Variants in LEPR observed in about 807,000 individuals in gnomAD.
The protein encoded by LEPR is OB receptor.
A neutral mutation model predicts 114.7 loss-of-function variants in LEPR; 56 were observed. The observed-to-expected ratio is 0.49, with a 90% confidence interval of 0.39 to 0.61. The LOEUF (loss-of-function observed/expected upper bound fraction) is 0.61. Ranked by LOEUF, LEPR falls within the 20% of genes least tolerant of loss-of-function variation. LEPR has a pLI of 0.00. For missense variants in LEPR, 1,202 were observed against 1,352.9 expected, an observed-to-expected ratio of 0.89 and a Z score of 1.75; for synonymous variants, 443 against 461.4, an observed-to-expected ratio of 0.96 and a Z score of 0.51.
At chr1:65,565,870 C>T (rs537517734) in intron 3 of LEPR, among the ~76,000 whole-genome samples, 20 of 152,118 alleles carry the variant, frequency 1.3e-4, no homozygotes, top group African/African-American at 4.6e-4. Flanking sequence ...CACAGACTCA[C>T]ACACACAGAC....
intron 2 of LEPR, among the ~76,000 whole-genome samples, chr1:65,545,630 C>A (rs995122476): frequency 1.3e-5 from 2 of 152,224 alleles, no homozygotes; most frequent in African/African-American, 2.4e-5. Context: ...TGTTCATATC[C>A]TTTGCCCACT....
chr1:65,494,957 G>A (rs1452987723), intron 2 of LEPR, among the ~76,000 whole-genome samples: 1 of 152,014 alleles, frequency 6.6e-6, no homozygotes, highest in East Asian at 1.9e-4. Context: ...ATGAAGCTAT[G>A]AGAAGAAAAC....
At chr1:65,512,523 G>C (rs1294450948) in intron 2 of LEPR, among the ~76,000 whole-genome samples, 1 of 152,132 alleles carries the variant, frequency 6.6e-6, no homozygotes, top group African/African-American at 2.4e-5. Context: ...CCAGATCCCA[G>C]AATGGTGCTG....
In LEPR at chr1:65,633,633, GT is replaced by G. The variant is rs1424221635; in HGVS notation, c.2674-2555del. ...AGTATGGAATCAGTGAAAATATTTAGTTTGTATTTTTATGTCCAAACTTTTC... is the reference window on the plus strand; with the variant it reads ...AGTATGGAATCAGTGAAAATATTTAGTTGTATTTTTATGTCCAAACTTTTC... On this transcript the variant is annotated intron_variant, in intron 19 of 19. Transcript: ENST00000349533. This position sits in a 1 kb window ranked among gnomAD's most constrained non-coding sequence, Gnocchi z 4.1. 32 of 983,956 alleles carry G rather than the reference GT, an allele frequency of 3.3e-5. No individual in the cohort carries two copies. In the South Asian group the frequency reaches 1.1e-3, roughly 33 times the overall value. The allele number at this position is 983,956 out of a possible 1,614,324, so 61.0% of individuals were successfully genotyped here. A position where few individuals can be genotyped will look rare whatever the true frequency, so the allele number is the denominator to read the frequency against.
intron 2 of LEPR, among the ~76,000 whole-genome samples, chr1:65,529,675 A>G (rs992637729): frequency 4.6e-5 from 7 of 152,194 alleles, no homozygotes; most frequent in African/African-American, 1.7e-4. Flanking sequence ...AACTACGTCA[A>G]GGTCTACTAC....
chr1:65,523,546 A>G (rs749920288), intron 2 of LEPR, among the ~76,000 whole-genome samples: 4 of 152,172 alleles, frequency 2.6e-5, no homozygotes, highest in Non-Finnish European at 5.9e-5. Context: ...CCTGGGCTCA[A>G]GTAGTCTGCC....
At chr1:65,584,199 G>T (rs907223298) in intron 5 of LEPR, among the ~76,000 whole-genome samples, 1 of 151,854 alleles carries the variant, frequency 6.6e-6, no homozygotes, top group African/African-American at 2.4e-5. Flanking sequence ...GATGTACCAG[G>T]TTGATCTTAT....
chr1:65,551,336 G>A (rs532807392), intron 2 of LEPR, among the ~76,000 whole-genome samples: 3 of 152,068 alleles, frequency 2.0e-5, no homozygotes, highest in African/African-American at 2.4e-5. Flanking sequence ...CTGTGAATCT[G>A]TCTGGTCCTG....
chr1:65,465,299 G>A (rs1303732822), intron 2 of LEPR, among the ~76,000 whole-genome samples: 4 of 152,152 alleles, frequency 2.6e-5, no homozygotes, highest in African/African-American at 9.7e-5. Context: ...AGTCATTCAG[G>A]AGCAAGTTGT....
intron 2 of LEPR, chr1:65,434,345 A>C: frequency 1.0e-6 from 1 of 985,230 alleles, no homozygotes; most frequent in Non-Finnish European, 1.2e-6. Context: ...TGTACAATAT[A>C]TTTGGAGATT....
chr1:65,626,294 T>G, intron 19 of LEPR: 2 of 1,306,658 alleles, frequency 1.5e-6, no homozygotes, highest in Non-Finnish European at 2.0e-6. Context: ...GCCACATTTT[T>G]TCAAGTTCTG....
chr1:65,489,184 A>C (rs1212774893), intron 2 of LEPR, among the ~76,000 whole-genome samples: 2 of 152,032 alleles, frequency 1.3e-5, no homozygotes, highest in Non-Finnish European at 2.9e-5. Context: ...TTTCCAAGGA[A>C]CTTTCATATT....
At chr1:65,519,618 C>T (rs1649525511) in intron 2 of LEPR, among the ~76,000 whole-genome samples, 1 of 152,052 alleles carries the variant, frequency 6.6e-6, no homozygotes, top group Non-Finnish European at 1.5e-5. Flanking sequence ...AGATAGCCTT[C>T]TAACTTTCTA....
intron 3 of LEPR, among the ~76,000 whole-genome samples, chr1:65,569,547 A>G (rs1174013243): frequency 3.3e-5 from 5 of 152,030 alleles, no homozygotes; most frequent in African/African-American, 1.2e-4. Context: ...TCTCTACTAA[A>G]AGTACAAAAA....
intron 2 of LEPR, chr1:65,526,547 A>G (rs1385008651): frequency 9.6e-6 from 4 of 417,626 alleles, no homozygotes; most frequent in Non-Finnish European, 1.3e-5. Context: ...AGTTCTTTAT[A>G]CTGAAGGGTG....
intron 2 of LEPR, among the ~76,000 whole-genome samples, chr1:65,454,785 A>G (rs1418302127): frequency 6.6e-6 from 1 of 152,082 alleles, no homozygotes; most frequent in Non-Finnish European, 1.5e-5. Flanking sequence ...CTCGAGGAGT[A>G]TCTTTGTGGC....
At chr1:65,468,400 T>C (rs1239396514) in intron 2 of LEPR, among the ~76,000 whole-genome samples, 1 of 152,242 alleles carries the variant, frequency 6.6e-6, no homozygotes, top group East Asian at 1.9e-4. Context: ...GGGTATGTGG[T>C]ATAGTTATAC....
At chr1:65,562,887 T>C (rs1653362983) in intron 2 of LEPR, among the ~76,000 whole-genome samples, 1 of 41,170 alleles carries the variant, frequency 2.4e-5, no homozygotes, top group African/African-American at 1.3e-4. Flanking sequence ...TGGCCCCCAC[T>C]CTCTTCTGGC....
chr1:65,442,712 A>G (rs1440974008), intron 2 of LEPR, among the ~76,000 whole-genome samples: 1 of 152,242 alleles, frequency 6.6e-6, no homozygotes. Flanking sequence ...ACTCAATAAA[A>G]TATGATATAC....
Sources: gnomAD v4.1 joint callset for allele counts (sites outside exome capture counted in the v4.1 genomes callset) on GRCh38, gnomAD v4.1.1 for gene constraint, Gnocchi (gnomAD v3.1) non-coding constraint, MANE v1.5 for transcripts, NCBI Gene and HGNC (gene_info 2026-07-23, HGNC 2026-07-21) for gene names.